Variants in CSGALNACT1 observed in about 807,000 individuals in gnomAD.
The protein encoded by CSGALNACT1 is beta4GalNAcT-1.
A neutral mutation model predicts 51.0 loss-of-function variants in CSGALNACT1; 52 were observed. That is an observed-to-expected ratio of 1.02 (90% CI 0.82 to 1.29). The LOEUF (loss-of-function observed/expected upper bound fraction) is 1.29, where lower values mean the gene tolerates loss of function less well. Ranked by LOEUF, CSGALNACT1 falls within the 50% of genes most tolerant of loss-of-function variation. The probability of loss-of-function intolerance (pLI) is 0.00; values close to 1 mark genes in which losing one functional copy is unlikely to be tolerated. For missense variants in CSGALNACT1, 935 were observed against 679.2 expected, an observed-to-expected ratio of 1.38 and a Z score of -4.19; for synonymous variants, 341 against 254.4, an observed-to-expected ratio of 1.34 and a Z score of -3.24.
In CSGALNACT1 at chr8:19,408,594, A is replaced by C. The variant is rs2153665135; in HGVS notation, c.1309+19T>G. On this transcript the variant is annotated intron_variant, in intron 9 of 9. Transcript: ENST00000454498. ...GCCCGTGGCCTCTGGGTGGCAGTAG[A>C]GATGCAGATTTGTCCTACCTATATT... 6.2e-7 allele frequency: 1 copy of C among 1,605,374 alleles called. No individual in the cohort carries two copies. Among genetic ancestry groups the C allele is most frequent in the Non-Finnish European group, 8.5e-7 (1 of 1,175,580 alleles).
At chr8:19,494,092 G>A (rs1467168717) in intron 4 of CSGALNACT1, among the ~76,000 whole-genome samples, 1 of 152,144 alleles carries the variant, frequency 6.6e-6, no homozygotes, top group Non-Finnish European at 1.5e-5. Context: ...CTACACTTAG[G>A]TAGCACACAA....
chr8:19,468,792 C>A (rs4922033), intron 4 of CSGALNACT1, among the ~76,000 whole-genome samples: 14 of 151,828 alleles, frequency 9.2e-5, no homozygotes, highest in African/African-American at 3.4e-4. Flanking sequence ...GGAAGCTTGG[C>A]GGGCAAGCCT....
chr8:19,661,788 G>T (rs2058758413), intron 1 of CSGALNACT1, among the ~76,000 whole-genome samples: 1 of 152,144 alleles, frequency 6.6e-6, no homozygotes, highest in African/African-American at 2.4e-5. Context: ...TTACAGATGT[G>T]CCACTCATTT....
rs529574448 is a variant in CSGALNACT1 at position 19,522,563 on chromosome 8, A to T, written c.-296-16433T>A. Among the ~76,000 whole-genome samples the T allele has an allele frequency of 2.1e-3, 320 of 152,300 alleles. 3 individuals are homozygous for T. Among genetic ancestry groups the T allele is most frequent in the African/African-American group, 7.5e-3 (310 of 41,568 alleles). On this transcript the variant is annotated intron_variant, in intron 3 of 9. Coordinates refer to ENST00000454498, the Ensembl canonical transcript of CSGALNACT1. ...CAGTGTCCTGGCACAGTGGAGGAGG[A>T]CATTAGGTCTGGGGACAATAGATTC...
At position 19,406,009 on chromosome 8, in the gene CSGALNACT1, T is replaced by C. The variant is rs762925066; in HGVS notation, c.1370A>G (p.Tyr457Cys). 1.4e-5 allele frequency: 23 copies of C among 1,614,102 alleles called. No individual in the cohort carries two copies. The highest frequency in any genetic ancestry group is 1.8e-5 in the Non-Finnish European group (21 of 1,180,068). The change falls in exon 10 of 10, where the codon TAT becomes TGT. Residue 457 changes from tyrosine to cysteine, a missense_variant. Tyr to Cys is a radical substitution (Grantham distance 194, BLOSUM62 -2). Transcript: ENST00000454498. ...TACCACTATGAGGTTGCTGTGGAGA[T>C]ACTTGCGATAAAGGTGCACATCCTC...
chr8:19,682,876 A>C (rs1186936583), upstream of CSGALNACT1: 3 of 371,456 alleles, frequency 8.1e-6, no homozygotes, highest in South Asian at 4.0e-5. Flanking sequence ...CACAGGTCCA[A>C]CTGCAGACCG....
intron 1 of CSGALNACT1, among the ~76,000 whole-genome samples, chr8:19,666,016 C>G (rs562925225): frequency 1.4e-4 from 21 of 152,154 alleles, no homozygotes; most frequent in Non-Finnish European, 2.8e-4. Context: ...CATCACAGCT[C>G]TCACATGGCA....
At chr8:19,406,492 A>C (rs889497341) in intron 9 of CSGALNACT1, among the ~76,000 whole-genome samples, 1 of 152,040 alleles carries the variant, frequency 6.6e-6, no homozygotes, top group Non-Finnish European at 1.5e-5. Context: ...AAGACTGATA[A>C]ATATGATAAA....
chr8:19,500,018 T>C (rs1300159511), intron 4 of CSGALNACT1, among the ~76,000 whole-genome samples: 1 of 152,204 alleles, frequency 6.6e-6, no homozygotes, highest in Non-Finnish European at 1.5e-5. Context: ...ATCTCAAATT[T>C]TGGAATGAAA....
chr8:19,712,505 C>T (rs1422528453), intron 1 of CSGALNACT1, among the ~76,000 whole-genome samples: 1 of 152,244 alleles, frequency 6.6e-6, no homozygotes, highest in East Asian at 1.9e-4. Context: ...GTACTCTCTT[C>T]CTGAACATTC....
At chr8:19,755,456 C>A (rs1057076549) in intron 1 of CSGALNACT1, among the ~76,000 whole-genome samples, 113 of 74,514 alleles carry the variant, frequency 1.5e-3, no homozygotes, top group Non-Finnish European at 1.9e-3. Context: ...TAAAGAAAGA[C>A]AAAAAAAAAA....
At chr8:19,596,962 A>C (rs529621082) in intron 2 of CSGALNACT1, among the ~76,000 whole-genome samples, 1 of 152,198 alleles carries the variant, frequency 6.6e-6, no homozygotes, top group Non-Finnish European at 1.5e-5. Flanking sequence ...TTCATCTTGC[A>C]TAACTGTAAC....
chr8:19,557,560 C>T (rs58923240), intron 3 of CSGALNACT1, among the ~76,000 whole-genome samples: 179 of 152,276 alleles, frequency 1.2e-3, no homozygotes, highest in African/African-American at 3.8e-3. Flanking sequence ...TTTGGGGACA[C>T]ACCAGCATTT....
At chr8:19,655,336 C>T (rs922050908) in intron 1 of CSGALNACT1, among the ~76,000 whole-genome samples, 7 of 152,050 alleles carry the variant, frequency 4.6e-5, no homozygotes, top group African/African-American at 1.2e-4. Context: ...TATACAGTCA[C>T]GATGCACCTT....
chr8:19,692,109 T>G (rs1460556260), intron 1 of CSGALNACT1, among the ~76,000 whole-genome samples: 1 of 152,066 alleles, frequency 6.6e-6, no homozygotes, highest in Non-Finnish European at 1.5e-5. Context: ...TCCTGAGAAC[T>G]CACTCACTAT....
At chr8:19,713,916 A>C (rs757996484) in intron 1 of CSGALNACT1, among the ~76,000 whole-genome samples, 2 of 152,224 alleles carry the variant, frequency 1.3e-5, no homozygotes, top group Non-Finnish European at 2.9e-5. Flanking sequence ...TGGTGAAAGG[A>C]AACCACAGAA....
At chr8:19,488,693 G>T (rs560141998) in intron 4 of CSGALNACT1, among the ~76,000 whole-genome samples, 2 of 152,014 alleles carry the variant, frequency 1.3e-5, no homozygotes, top group Admixed American at 6.5e-5. Context: ...CATTTTATTG[G>T]GCCAGGCACT....
chr8:19,512,572 AAT>A (rs1391438702), intron 3 of CSGALNACT1, among the ~76,000 whole-genome samples: 1 of 152,216 alleles, frequency 6.6e-6, no homozygotes, highest in African/African-American at 2.4e-5. Context: ...AAAATGTTTT[AAT>A]ATGTCTTACC....
chr8:19,722,646 G>A lies in CSGALNACT1; in HGVS notation c.-297+35204C>T, dbSNP rs183535948. Among the ~76,000 whole-genome samples, 493 of 152,286 alleles carry A rather than the reference G, an allele frequency of 3.2e-3. 2 individuals carry two copies. Among genetic ancestry groups the A allele is most frequent in the Non-Finnish European group, 3.6e-3 (242 of 68,024 alleles). Reference sequence around the variant, plus strand: ...TCAATCCAGCTGGCCACTCTGCAGGGGACCTCACAGCCCTGGCGCATTGAC... The same window carrying A: ...TCAATCCAGCTGGCCACTCTGCAGGAGACCTCACAGCCCTGGCGCATTGAC... On this transcript the variant is annotated intron_variant, in intron 1 of 1. Coordinates refer to the CSGALNACT1 transcript ENST00000517494.
Sources: gnomAD v4.1 joint callset for allele counts (sites outside exome capture counted in the v4.1 genomes callset) on GRCh38, gnomAD v4.1.1 for gene constraint, MANE v1.5 for transcripts, NCBI Gene and HGNC (gene_info 2026-07-23, HGNC 2026-07-21) for gene names.